NUMB: variants seen among roughly 807,000 people sequenced by gnomAD.
NUMB encodes the protein NUMB endocytic adaptor protein.
NUMB carries 29 observed loss-of-function variants against 59.7 expected under a neutral mutation model. The observed-to-expected ratio is 0.49, with a 90% CI of 0.36 to 0.66. The LOEUF is 0.66. Among genes scored for constraint, NUMB ranks in the 30% least tolerant of loss-of-function variants. The pLI, the probability that NUMB is intolerant of heterozygous loss-of-function variation, is 0.00. For missense variants in NUMB, 723 were observed against 822.0 expected (o/e 0.88, Z 1.47); for synonymous variants, 288 against 288.2 (o/e 1.00, Z 0.01).
intron 2 of NUMB, among the ~76,000 whole-genome samples, chr14:73,389,088 G>T (rs1895695504): frequency 8.3e-6 from 1 of 119,804 alleles, no homozygotes; most frequent in South Asian, 2.8e-4. Context: ...GACAGAGCAA[G>T]ACTCTGCCTT....
intron 1 of NUMB, among the ~76,000 whole-genome samples, chr14:73,434,185 A>T (rs1277044681): frequency 6.6e-6 from 1 of 152,194 alleles, no homozygotes; most frequent in Non-Finnish European, 1.5e-5. Flanking sequence ...ATTTAATTTA[A>T]TCCATTTAGC....
At chr14:73,318,811 G>T (rs1333225149) in intron 5 of NUMB, among the ~76,000 whole-genome samples, 2 of 152,010 alleles carry the variant, frequency 1.3e-5, no homozygotes, top group Non-Finnish European at 2.9e-5. Flanking sequence ...GCTCTGAGGA[G>T]CATATTTTTA....
Position 73,276,423 on chromosome 14 carries a change from A to G in NUMB, c.*155T>C. 1.7e-6 allele frequency: 1 copy of G among 589,624 alleles called. No homozygotes were observed. The highest frequency in any genetic ancestry group is 2.9e-6 in the Non-Finnish European group (1 of 341,274). The allele number at this position is 589,624 out of a possible 1,614,324, so 36.5% of individuals were successfully genotyped here. ...GCTTTTTCCCATGTCTTTCAAAATC[A>G]CCCCTCACAGTACTCTGGGCCTGGA... On this transcript the variant is annotated 3_prime_UTR_variant, in exon 13 of 13. Coordinates refer to ENST00000555238, the MANE Select transcript of NUMB (RefSeq NM_001005743.2).
At chr14:73,390,638 CTTTTTTTTTTTTTTTT>C (rs55831976) in intron 2 of NUMB, among the ~76,000 whole-genome samples, 26 of 39,410 alleles carry the variant, frequency 6.6e-4, no homozygotes, top group Non-Finnish European at 9.0e-4. Flanking sequence ...AAAACAAAGT[CTTTTTTTTTTTTTTTT>C]TTTTTTTTTT....
intron 4 of NUMB, among the ~76,000 whole-genome samples, chr14:73,350,837 C>T (rs1009399193): frequency 6.6e-6 from 1 of 151,926 alleles, no homozygotes; most frequent in African/African-American, 2.4e-5. Context: ...CCTAACTTTA[C>T]CTCTTAATTA....
chr14:73,411,089 T>C (rs936174103), intron 1 of NUMB, among the ~76,000 whole-genome samples: 1 of 152,144 alleles, frequency 6.6e-6, no homozygotes, highest in Non-Finnish European at 1.5e-5. Context: ...TGGAGTGCAG[T>C]GGCGTGATCT....
intron 4 of NUMB, among the ~76,000 whole-genome samples, chr14:73,331,405 C>T (rs760264629): frequency 7.2e-5 from 11 of 151,880 alleles, no homozygotes; most frequent in Admixed American, 2.6e-4. Context: ...ATTAGCCGGG[C>T]GTGGTGGTGG....
chr14:73,363,052 T>C (rs1356715784), intron 3 of NUMB, among the ~76,000 whole-genome samples: 1 of 152,104 alleles, frequency 6.6e-6, no homozygotes, highest in Admixed American at 6.5e-5. Flanking sequence ...TCCCAACACT[T>C]TGGGAGGCTG....
chr14:73,448,017 C>T (rs940844347), intron 1 of NUMB, among the ~76,000 whole-genome samples: 1 of 152,088 alleles, frequency 6.6e-6, no homozygotes, highest in Non-Finnish European at 1.5e-5. Flanking sequence ...AGGCTGGTCT[C>T]GAACTCTGAG....
At chr14:73,431,933 A>G (rs1205226452) in intron 1 of NUMB, among the ~76,000 whole-genome samples, 1 of 152,046 alleles carries the variant, frequency 6.6e-6, no homozygotes, top group Middle Eastern at 3.2e-3. Context: ...AATATTCAGT[A>G]CTACACCCTG....
At chr14:73,391,093 T>G (rs184501815) in intron 2 of NUMB, among the ~76,000 whole-genome samples, 1 of 152,204 alleles carries the variant, frequency 6.6e-6, no homozygotes, top group Non-Finnish European at 1.5e-5. Flanking sequence ...TCTGCTATAT[T>G]AGATACTCTA....
chr14:73,398,174 C>T lies in NUMB; in HGVS notation c.-101+11763G>A, dbSNP rs537603586. Among the ~76,000 whole-genome samples, 54 of 151,484 alleles carry T rather than the reference C, an allele frequency of 3.6e-4. No individual in the cohort carries two copies. In the South Asian group the frequency reaches 0.01, roughly 28 times the overall value. On this transcript the variant is annotated intron_variant, in intron 2 of 12. Coordinates refer to ENST00000555238, the MANE Select transcript of NUMB (RefSeq NM_001005743.2). The stretch of plus-strand genomic sequence containing the variant: ...GATTAACAGTTCACCAAATTGTTAA[C>T]GGAAAAAAATCAAAAATAGCTTAAA...
At chr14:73,444,951 C>T (rs1041850020) in intron 1 of NUMB, among the ~76,000 whole-genome samples, 6 of 151,816 alleles carry the variant, frequency 4.0e-5, no homozygotes, top group Middle Eastern at 3.4e-3. Flanking sequence ...AAACGAGAGA[C>T]TTGCAGGGAA....
At chr14:73,452,904 A>T (rs931405281) in intron 1 of NUMB, among the ~76,000 whole-genome samples, 1 of 152,220 alleles carries the variant, frequency 6.6e-6, no homozygotes, top group African/African-American at 2.4e-5. Flanking sequence ...GAAACTGCAG[A>T]GAATGAAAAA....
intron 1 of NUMB, among the ~76,000 whole-genome samples, chr14:73,449,686 A>T (rs1883790169): frequency 9.2e-6 from 1 of 108,644 alleles, no homozygotes; most frequent in African/African-American, 4.1e-5. Context: ...TTTAAAATAT[A>T]TGTAATGTTT....
intron 6 of NUMB, among the ~76,000 whole-genome samples, chr14:73,306,223 C>CT (rs1197046953): frequency 6.6e-6 from 1 of 152,124 alleles, no homozygotes; most frequent in Admixed American, 6.5e-5. Context: ...TAGGAAAACA[C>CT]AAGGATGGAG....
rs755552697 is a variant in NUMB, at chr14:73,276,748, T to G, written c.1786A>C (p.Arg596=). The change falls in exon 13 of 13, where the codon AGG becomes CGG. Residue 596 remains arginine, a synonymous_variant. Coordinates refer to ENST00000555238, the MANE Select transcript of NUMB (RefSeq NM_001005743.2). The stretch of plus-strand genomic sequence containing the variant: ...GTATGCCTGTCTGCTGAGGCCAACC[T>G]GCCATCATCTACACCATTGAAAGCT... ...SAAFNGVDDG[R]LASADRHTEV... The G allele has an allele frequency of 6.2e-7, 1 of 1,613,714 alleles. No homozygotes were observed. The highest frequency in any genetic ancestry group is 1.3e-5 in the African/African-American group (1 of 74,858).
At chr14:73,393,046 G>A (rs961041718) in intron 2 of NUMB, among the ~76,000 whole-genome samples, 1 of 152,092 alleles carries the variant, frequency 6.6e-6, no homozygotes, top group Non-Finnish European at 1.5e-5. Context: ...GGTGAGGGGA[G>A]GAAATTATCA....
At chr14:73,279,177 G>A (rs1199412168) in intron 12 of NUMB, 104 bp downstream of exon 12, 9 of 1,312,848 alleles carry the variant, frequency 6.9e-6, no homozygotes, top group Non-Finnish European at 8.7e-6. Context: ...TAGTTTTCCT[G>A]AAAGGATTCC....
Sources: gnomAD v4.1 joint callset for allele counts (sites outside exome capture counted in the v4.1 genomes callset) on GRCh38, gnomAD v4.1.1 for gene constraint, MANE v1.5 for transcripts, NCBI Gene and HGNC (gene_info 2026-07-23, HGNC 2026-07-21) for gene names.